The following NRXN3 variants were observed in gnomAD, a reference collection of about 807,000 sequenced individuals.
The protein encoded by NRXN3 is neurexin 3.
Under a neutral mutation model 137.6 loss-of-function variants are expected in NRXN3, and 32 were observed. The ratio of observed to expected loss-of-function variants is 0.23; its 90% CI spans 0.18 to 0.31. NRXN3 has a LOEUF of 0.31. Ranked by LOEUF, NRXN3 falls within the 10% of genes least tolerant of loss-of-function variation. The pLI is 1.00. For missense variants in NRXN3, 1,574 were observed against 2,062.5 expected, an observed-to-expected ratio of 0.76 and a Z score of 4.59; for synonymous variants, 798 against 784.5, an observed-to-expected ratio of 1.02 and a Z score of -0.29.
chr14:79,856,534 A>G (rs997354393), intron 20 of NRXN3, among the ~76,000 whole-genome samples: 3 of 152,052 alleles, frequency 2.0e-5, no homozygotes, highest in African/African-American at 4.8e-5. Context: ...GTTCAGCATC[A>G]CTGTTTTGGT....
At chr14:79,270,336 C>T (rs1209968899) in intron 15 of NRXN3, among the ~76,000 whole-genome samples, 1 of 152,124 alleles carries the variant, frequency 6.6e-6, no homozygotes, top group Non-Finnish European at 1.5e-5. Flanking sequence ...ATGTTCTCCC[C>T]TATAGTAATT....
At chr14:78,340,465 C>G (rs1188613809) in intron 4 of NRXN3, among the ~76,000 whole-genome samples, 1 of 152,092 alleles carries the variant, frequency 6.6e-6, no homozygotes, top group Non-Finnish European at 1.5e-5. Context: ...AAGTTTGCCC[C>G]AGGTCTATTG....
intron 4 of NRXN3, among the ~76,000 whole-genome samples, chr14:78,569,701 A>G (rs1288129177): frequency 1.3e-5 from 2 of 152,028 alleles, no homozygotes; most frequent in Admixed American, 1.3e-4. Flanking sequence ...CTGAGACTAC[A>G]GGCACCCGCC....
chr14:78,522,159 A>G (rs1322882619), intron 4 of NRXN3, among the ~76,000 whole-genome samples: 1 of 152,212 alleles, frequency 6.6e-6, no homozygotes, highest in African/African-American at 2.4e-5. Context: ...ATTAATATTT[A>G]CTACATATCT....
intron 4 of NRXN3, among the ~76,000 whole-genome samples, chr14:78,522,134 T>C (rs1165400063): frequency 1.3e-5 from 2 of 152,218 alleles, no homozygotes; most frequent in East Asian, 3.8e-4. Flanking sequence ...AGGGATGGTA[T>C]GTTCAAAGCA....
At chr14:78,461,767 A>G (rs1025386879) in intron 4 of NRXN3, among the ~76,000 whole-genome samples, 4 of 152,220 alleles carry the variant, frequency 2.6e-5, no homozygotes, top group Non-Finnish European at 5.9e-5. Flanking sequence ...TGGGGTCACT[A>G]TAAGCTTCGA....
intron 15 of NRXN3, among the ~76,000 whole-genome samples, chr14:79,455,405 C>T (rs2096245230): frequency 6.6e-6 from 1 of 152,100 alleles, no homozygotes; most frequent in South Asian, 2.1e-4. Context: ...GATTTCTAAC[C>T]TTGCCTGTAG....
At chr14:79,089,787 G>A (rs1484189113) in intron 15 of NRXN3, among the ~76,000 whole-genome samples, 1 of 151,968 alleles carries the variant, frequency 6.6e-6, no homozygotes, top group Admixed American at 6.6e-5. Flanking sequence ...CACATTTTTG[G>A]CATCATTCAG....
chr14:78,400,466 A>G (rs1178038470), intron 4 of NRXN3, among the ~76,000 whole-genome samples: 3 of 152,200 alleles, frequency 2.0e-5, no homozygotes, highest in South Asian at 2.1e-4. Context: ...CTGTCAGTCT[A>G]TTAACTCCCA....
At chr14:78,488,817 A>G (rs1388685710) in intron 4 of NRXN3, among the ~76,000 whole-genome samples, 8 of 145,150 alleles carry the variant, frequency 5.5e-5, no homozygotes, top group Non-Finnish European at 1.1e-4. Flanking sequence ...ATAAAGGAGG[A>G]GAGGAGAAGA....
At chr14:78,456,627 C>T (rs1038728919) in intron 4 of NRXN3, among the ~76,000 whole-genome samples, 1 of 152,064 alleles carries the variant, frequency 6.6e-6, no homozygotes, top group Non-Finnish European at 1.5e-5. Flanking sequence ...TCATTGCATT[C>T]ATTTATTCCT....
At chr14:79,492,821 A>T (rs2096730072) in intron 16 of NRXN3, among the ~76,000 whole-genome samples, 1 of 152,162 alleles carries the variant, frequency 6.6e-6, no homozygotes, top group Non-Finnish European at 1.5e-5. Flanking sequence ...TCAATCATGC[A>T]TTGGAAATAC....
chr14:78,912,185 C>T (rs551648834), intron 10 of NRXN3, among the ~76,000 whole-genome samples: 28 of 150,656 alleles, frequency 1.9e-4, no homozygotes, highest in Non-Finnish European at 3.3e-4. Context: ...GTTTTTTGTT[C>T]TTGCGATAGT....
intron 15 of NRXN3, among the ~76,000 whole-genome samples, chr14:79,182,051 C>T (rs2153134463): frequency 6.6e-6 from 1 of 152,088 alleles, no homozygotes; most frequent in African/African-American, 2.4e-5. Context: ...CTTCTTACTC[C>T]TAGTTATAAT....
intron 2 of NRXN3, among the ~76,000 whole-genome samples, chr14:78,274,565 G>A (rs1027208982): frequency 1.3e-5 from 2 of 152,154 alleles, no homozygotes; most frequent in Non-Finnish European, 2.9e-5. Flanking sequence ...AACCGTATCA[G>A]GTTAGAAGAA....
chr14:79,656,310 C>T (rs2098505235), intron 16 of NRXN3, among the ~76,000 whole-genome samples: 1 of 152,154 alleles, frequency 6.6e-6, no homozygotes, highest in Admixed American at 6.5e-5. Flanking sequence ...TGCCAGGAGA[C>T]TGCTCCAGGT....
chr14:78,571,738 G>C (rs1420259466), intron 4 of NRXN3, among the ~76,000 whole-genome samples: 2 of 152,094 alleles, frequency 1.3e-5, no homozygotes, highest in Non-Finnish European at 2.9e-5. Context: ...CGCACATATT[G>C]GTCTTGAAAT....
intron 4 of NRXN3, among the ~76,000 whole-genome samples, chr14:78,322,327 A>G (rs1376228668): frequency 3.3e-5 from 5 of 152,010 alleles, no homozygotes; most frequent in Non-Finnish European, 7.3e-5. Flanking sequence ...CTCCCTGGCT[A>G]TTCGGAAAGG....
chr14:78,847,526 A>C (rs2152470314), intron 10 of NRXN3, among the ~76,000 whole-genome samples: 1 of 152,174 alleles, frequency 6.6e-6, no homozygotes, highest in South Asian at 2.1e-4. Flanking sequence ...GAAGGAGGAA[A>C]TCGAGTGAAG....
Sources: allele counts gnomAD v4.1 joint callset (sites outside exome capture counted in the v4.1 genomes callset), GRCh38; gene constraint gnomAD v4.1.1; transcripts MANE v1.5; gene names NCBI Gene and HGNC (gene_info 2026-07-23, HGNC 2026-07-21).